The following GULP1 variants were observed in gnomAD, a reference collection of about 807,000 sequenced individuals.
The protein encoded by GULP1 is GULP PTB domain containing engulfment adaptor 1, also known as PTB domain-containing engulfment adapter protein 1.
In GULP1, 19 loss-of-function variants were observed where a neutral mutation model predicts 40.9. The ratio of observed to expected loss-of-function variants is 0.46; its 90% confidence interval spans 0.32 to 0.68. GULP1 has a LOEUF of 0.68. GULP1 is among the 30% of genes least tolerant of loss of function. The probability of loss-of-function intolerance (pLI) is 0.03; values close to 1 mark genes in which losing one functional copy is unlikely to be tolerated. For synonymous variants in GULP1, 119 were observed against 117.6 expected (o/e 1.01, Z -0.08); for missense variants, 312 against 362.2 (o/e 0.86, Z 1.12).
At chr2:188,567,828 A>C (rs1035072376) in intron 7 of GULP1, among the ~76,000 whole-genome samples, 9 of 152,188 alleles carry the variant, frequency 5.9e-5, no homozygotes, top group African/African-American at 2.2e-4. Context: ...CTATTACCCA[A>C]AGTTTTGAAA....
chr2:188,514,620 C>T (rs1208252126), intron 4 of GULP1, among the ~76,000 whole-genome samples: 1 of 152,110 alleles, frequency 6.6e-6, no homozygotes, highest in African/African-American at 2.4e-5. Flanking sequence ...ACATTATACT[C>T]CTTTTTTCAT....
intron 2 of GULP1, among the ~76,000 whole-genome samples, chr2:188,447,931 C>G (rs934230949): frequency 2.6e-5 from 4 of 152,034 alleles, no homozygotes; most frequent in Admixed American, 6.6e-5. Context: ...CTTTTCAGGA[C>G]AAAGCATAAA....
chr2:188,366,645 T>C (rs1186020742), intron 1 of GULP1, among the ~76,000 whole-genome samples: 1 of 140,048 alleles, frequency 7.1e-6, no homozygotes, highest in African/African-American at 2.7e-5. Context: ...CAGGCTGGAG[T>C]GCAGTGGCGC....
chr2:188,416,241 T>TC (rs888528770), intron 2 of GULP1, among the ~76,000 whole-genome samples: 1 of 152,136 alleles, frequency 6.6e-6, no homozygotes, highest in Non-Finnish European at 1.5e-5. Flanking sequence ...TCTTCTTTTT[T>TC]CTCTTCCTTC....
intron 1 of GULP1, among the ~76,000 whole-genome samples, chr2:188,293,421 G>A (rs2034226409): frequency 6.6e-6 from 1 of 152,210 alleles, no homozygotes; most frequent in Non-Finnish European, 1.5e-5. Flanking sequence ...AGTCATGACT[G>A]ATTTCTAGGA....
At position 188,594,781 on chromosome 2, in the gene GULP1, G is replaced by A. The variant is rs895810074; in HGVS notation, c.*770G>A. ...TTACTATAACATCTAAGCATCATCT[G>A]ATTTGATATTCCCTAAAAAACATTT... is the stretch of plus-strand genomic sequence containing the variant. On this transcript the variant is annotated 3_prime_UTR_variant, in exon 12 of 12. Coordinates refer to ENST00000409830, the MANE Select transcript of GULP1 (RefSeq NM_016315.4). 1 of 151,582 alleles carries A rather than the reference G, an allele frequency of 6.6e-6. No individual in the cohort carries two copies. Among genetic ancestry groups the A allele is most frequent in the Admixed American group, 6.6e-5 (1 of 15,170 alleles). The allele number at this position is 151,582 out of a possible 1,614,324, so 9.4% of individuals were successfully genotyped here. A position where few individuals can be genotyped will look rare whatever the true frequency, so the allele number is the denominator to read the frequency against.
chr2:188,334,294 C>G (rs2041984724), intron 1 of GULP1, among the ~76,000 whole-genome samples: 1 of 152,124 alleles, frequency 6.6e-6, no homozygotes, highest in Admixed American at 6.6e-5. Flanking sequence ...TCACTTAGTT[C>G]CGGTAACACC....
At chr2:188,362,239 A>T (rs964990211) in intron 1 of GULP1, among the ~76,000 whole-genome samples, 4 of 152,100 alleles carry the variant, frequency 2.6e-5, no homozygotes, top group African/African-American at 9.7e-5. Flanking sequence ...TAAAATAAGG[A>T]ATTATTTGGA....
intron 2 of GULP1, among the ~76,000 whole-genome samples, chr2:188,456,487 A>C (rs2059277216): frequency 2.0e-5 from 3 of 152,192 alleles, no homozygotes; most frequent in African/African-American, 7.2e-5. Context: ...GGCAGCTTCC[A>C]CATGGTGTTG....
intron 4 of GULP1, among the ~76,000 whole-genome samples, chr2:188,503,415 G>A: frequency 6.6e-6 from 1 of 151,610 alleles, no homozygotes; most frequent in South Asian, 2.1e-4. Context: ...GAAGGTGGCA[G>A]GAGAGAGAGA....
intron 2 of GULP1, among the ~76,000 whole-genome samples, chr2:188,391,237 A>G (rs992419423): frequency 6.6e-6 from 1 of 152,112 alleles, no homozygotes; most frequent in Non-Finnish European, 1.5e-5. Context: ...CCAATCCATG[A>G]GCATGGAATG....
intron 2 of GULP1, among the ~76,000 whole-genome samples, chr2:188,412,395 T>C (rs2054013632): frequency 6.6e-6 from 1 of 152,198 alleles, no homozygotes; most frequent in Non-Finnish European, 1.5e-5. Flanking sequence ...TCCGCTTCAG[T>C]GACCCCAGCT....
At chr2:188,358,292 T>C (rs2045630059) in intron 1 of GULP1, among the ~76,000 whole-genome samples, 1 of 152,132 alleles carries the variant, frequency 6.6e-6, no homozygotes, top group Admixed American at 6.6e-5. Context: ...AAAAGTTGTT[T>C]TTATAGAAGT....
intron 6 of GULP1, among the ~76,000 whole-genome samples, chr2:188,535,047 T>G (rs934274890): frequency 6.6e-6 from 1 of 151,122 alleles, no homozygotes; most frequent in South Asian, 2.1e-4. Flanking sequence ...TCAATTAGTG[T>G]TTAATATTAA....
At chr2:188,335,071 G>T (rs1023098039) in intron 1 of GULP1, among the ~76,000 whole-genome samples, 1 of 152,164 alleles carries the variant, frequency 6.6e-6, no homozygotes, top group African/African-American at 2.4e-5. Flanking sequence ...AGGAACATAA[G>T]CCTTTGCTTT....
rs2055982792 is a variant in GULP1 at position 188,425,022 on chromosome 2, T to C, written c.-45+41133T>C. ...TTTGGCTTGTTTCTTTTTTTCGATA[T>C]TAGTACCAACTGATGCTCAATGACT... On this transcript the variant is annotated intron_variant, in intron 2 of 11. Transcript: ENST00000409830. Among the ~76,000 whole-genome samples, 9 of 152,046 alleles carry C rather than the reference T, an allele frequency of 5.9e-5. No individual in the cohort carries two copies. The South Asian group carries it at 1.9e-3, about 31-fold the overall frequency.
intron 2 of GULP1, among the ~76,000 whole-genome samples, chr2:188,460,465 C>A (rs62183216): frequency 0.029 from 4,294 of 148,912 alleles, 99 homozygotes; most frequent in Middle Eastern, 0.063. Context: ...ATCTAAAAAT[C>A]CTGTAGAATT....
intron 4 of GULP1, among the ~76,000 whole-genome samples, chr2:188,487,751 A>G (rs1236392243): frequency 6.6e-6 from 1 of 152,064 alleles, no homozygotes; most frequent in Non-Finnish European, 1.5e-5. Flanking sequence ...AGGTTTACAA[A>G]GAAAGATTAC....
chr2:188,436,361 A>G (rs1032409321), intron 2 of GULP1, among the ~76,000 whole-genome samples: 1 of 152,128 alleles, frequency 6.6e-6, no homozygotes, highest in East Asian at 1.9e-4. Context: ...AATAGGAAGT[A>G]ATACAATAGT....
Sources: gnomAD v4.1 joint callset for allele counts (sites outside exome capture counted in the v4.1 genomes callset) on GRCh38, gnomAD v4.1.1 for gene constraint, MANE v1.5 for transcripts, NCBI Gene and HGNC (gene_info 2026-07-23, HGNC 2026-07-21) for gene names.